The following LRRTM3 variants were observed in gnomAD, a reference collection of about 807,000 sequenced individuals.
LRRTM3 encodes the protein leucine rich repeat transmembrane neuronal 3.
In LRRTM3, 24 loss-of-function variants were observed where a neutral mutation model predicts 44.7. The ratio of observed to expected loss-of-function variants is 0.54; its 90% confidence interval spans 0.39 to 0.76. The LOEUF (loss-of-function observed/expected upper bound fraction) is 0.76, where lower values mean the gene tolerates loss of function less well. Among genes scored for constraint, LRRTM3 ranks in the 30% least tolerant of loss-of-function variants. The pLI is 0.00. For synonymous variants in LRRTM3, 277 were observed against 278.7 expected, an observed-to-expected ratio of 0.99 and a Z score of 0.06; for missense variants, 587 against 702.2, an observed-to-expected ratio of 0.84 and a Z score of 1.85.
At chr10:67,044,843 AG>A (rs1433101492) in intron 2 of LRRTM3, among the ~76,000 whole-genome samples, 2 of 152,200 alleles carry the variant, frequency 1.3e-5, no homozygotes, top group Non-Finnish European at 2.9e-5. Flanking sequence ...AAGTAACCTC[AG>A]CTCTGCCACT....
chr10:67,014,867 T>A (rs990464595), intron 2 of LRRTM3, among the ~76,000 whole-genome samples: 1 of 152,078 alleles, frequency 6.6e-6, no homozygotes, highest in Admixed American at 6.5e-5. Context: ...GATGTATACA[T>A]ACATAAGCCT....
chr10:67,011,847 T>A (rs761348470), intron 2 of LRRTM3, among the ~76,000 whole-genome samples: 26 of 152,046 alleles, frequency 1.7e-4, no homozygotes, highest in Non-Finnish European at 2.9e-4. Flanking sequence ...ACCTACAGGT[T>A]GCATGTGGCA....
intron 2 of LRRTM3, chr10:67,015,467 C>T (rs897483454): frequency 2.0e-5 from 3 of 152,120 alleles, no homozygotes; most frequent in African/African-American, 7.2e-5. Context: ...TACTTCCCCT[C>T]CTTCAGAATT....
chr10:67,031,646 A>G (rs115161729), intron 2 of LRRTM3, among the ~76,000 whole-genome samples: 1,851 of 152,312 alleles, frequency 0.012, 49 homozygotes, highest in African/African-American at 0.043. Context: ...AAATACGCCC[A>G]TCAACCTGGT....
rs116466889 is a variant in LRRTM3 at position 67,018,311 on chromosome 10, C to T, written c.1537-79276C>T. On this transcript the variant is annotated intron_variant, in intron 2 of 2. Coordinates refer to ENST00000361320, the MANE Select transcript of LRRTM3 (RefSeq NM_178011.5). ...GAGGTAGTTTACTCTTCGCTTTCAC[C>T]CATTTCTGATTTGATTCCTGATTCC... 8.9e-4 allele frequency among the ~76,000 whole-genome samples: 135 copies of T among 152,194 alleles called. 1 individual carries two copies. Among genetic ancestry groups the T allele is most frequent in the Middle Eastern group, 3.4e-3 (1 of 294 alleles).
chr10:66,969,382 T>C (rs542764414), intron 2 of LRRTM3, among the ~76,000 whole-genome samples: 9 of 152,292 alleles, frequency 5.9e-5, no homozygotes, highest in Admixed American at 5.2e-4. Flanking sequence ...TTCCATAAAA[T>C]GAATGTGCAA....
At chr10:66,940,337 T>A (rs1043382679) in intron 2 of LRRTM3, among the ~76,000 whole-genome samples, 2 of 151,412 alleles carry the variant, frequency 1.3e-5, no homozygotes, top group Non-Finnish European at 2.9e-5. Context: ...CTACAAAAAA[T>A]GAAAAAAAAT....
intron 2 of LRRTM3, among the ~76,000 whole-genome samples, chr10:66,950,867 C>A (rs530581247): frequency 6.6e-6 from 1 of 152,192 alleles, no homozygotes; most frequent in East Asian, 1.9e-4. Context: ...GGTCTTAACC[C>A]ATTTTATAGG....
rs147072185 is a variant in LRRTM3, at chr10:67,004,447, G to C, written c.1536+75995G>C. Among the ~76,000 whole-genome samples the C allele has an allele frequency of 4.2e-4, 64 of 152,270 alleles. No individual in the cohort carries two copies. In the East Asian group the frequency reaches 0.012, roughly 28 times the overall value. ...ACATGTAAGGACAGCCCCATGGCAT[G>C]GTGTCTGATACTTCATCTCTGTTAG... On this transcript the variant is annotated intron_variant, in intron 2 of 2. Coordinates refer to ENST00000361320, the MANE Select transcript of LRRTM3 (RefSeq NM_178011.5).
At chr10:67,023,900 A>G (rs1055348932) in intron 2 of LRRTM3, among the ~76,000 whole-genome samples, 7 of 152,210 alleles carry the variant, frequency 4.6e-5, no homozygotes, top group African/African-American at 1.7e-4. Context: ...TGTTACTATG[A>G]AATTCATGGG....
chr10:67,005,957 A>T (rs897052436), intron 2 of LRRTM3, among the ~76,000 whole-genome samples: 1 of 151,938 alleles, frequency 6.6e-6, no homozygotes, highest in Non-Finnish European at 1.5e-5. Flanking sequence ...AAATGCTGGG[A>T]TTACAAGCGT....
chr10:66,957,382 GTATATATATACATATATATATA>G (rs775892863), intron 2 of LRRTM3, among the ~76,000 whole-genome samples: 383 of 38,226 alleles, frequency 0.01, 16 homozygotes, highest in Middle Eastern at 0.082. Flanking sequence ...ATATGTGTGT[GTATATATATACATATATATATA>G]TATATATATG....
At chr10:67,026,538 A>G (rs1853399860) in intron 2 of LRRTM3, among the ~76,000 whole-genome samples, 2 of 152,182 alleles carry the variant, frequency 1.3e-5, no homozygotes, top group African/African-American at 2.4e-5. Flanking sequence ...AAGAGGGAAG[A>G]CATTCAAGAG....
intron 2 of LRRTM3, among the ~76,000 whole-genome samples, chr10:67,025,319 G>T (rs1027989436): frequency 1.3e-5 from 2 of 150,474 alleles, no homozygotes; most frequent in African/African-American, 4.9e-5. Context: ...AGCCTATTTT[G>T]TAAGCCCATG....
intron 2 of LRRTM3, among the ~76,000 whole-genome samples, chr10:66,956,576 A>G (rs1205917287): frequency 6.6e-6 from 1 of 152,164 alleles, no homozygotes; most frequent in African/African-American, 2.4e-5. Context: ...AGTTCCCTCC[A>G]GTGAAATGTT....
chr10:66,975,176 G>A (rs578019483), intron 2 of LRRTM3, among the ~76,000 whole-genome samples: 1 of 152,280 alleles, frequency 6.6e-6, no homozygotes, highest in South Asian at 2.1e-4. Flanking sequence ...ATGTGATTCT[G>A]CAATTGATAG....
At chr10:66,972,472 G>A (rs1276633229) in intron 2 of LRRTM3, among the ~76,000 whole-genome samples, 5 of 151,878 alleles carry the variant, frequency 3.3e-5, no homozygotes, top group African/African-American at 9.7e-5. Flanking sequence ...TTTTATTAAC[G>A]TAAAAATCAT....
At chr10:67,019,209 T>A (rs926100747) in intron 2 of LRRTM3, among the ~76,000 whole-genome samples, 1 of 152,188 alleles carries the variant, frequency 6.6e-6, no homozygotes, top group African/African-American at 2.4e-5. Flanking sequence ...TTTCTTTTTT[T>A]AATTTTATTT....
chr10:67,100,381 G>T lies in LRRTM3; in HGVS notation c.*2585G>T, dbSNP rs187810703. 2.4e-4 allele frequency among the ~76,000 whole-genome samples: 37 copies of T among 151,760 alleles called. No individual in the cohort carries two copies. The East Asian group carries it at 6.6e-3, about 27-fold the overall frequency. On this transcript the variant is annotated 3_prime_UTR_variant, in exon 3 of 3. Coordinates refer to ENST00000361320, the MANE Select transcript of LRRTM3 (RefSeq NM_178011.5). Reference sequence around the variant, plus strand: ...AGCAAGAAAAAAAATGCTGGATGATGATTATTATTATTTTTGCTTAATTTT... The same window carrying T: ...AGCAAGAAAAAAAATGCTGGATGATTATTATTATTATTTTTGCTTAATTTT...
Sources: allele counts gnomAD v4.1 joint callset (sites outside exome capture counted in the v4.1 genomes callset), GRCh38; gene constraint gnomAD v4.1.1; transcripts MANE v1.5; gene names NCBI Gene and HGNC (gene_info 2026-07-23, HGNC 2026-07-21).